The following BRIP1 variants were observed in gnomAD, a reference collection of about 807,000 sequenced individuals.
The protein encoded by BRIP1 is Fanconi anemia group J protein.
In BRIP1, 88 loss-of-function variants were observed where a neutral mutation model predicts 119.7. That is an observed-to-expected ratio of 0.74 (90% confidence interval 0.62 to 0.88). The LOEUF (loss-of-function observed/expected upper bound fraction) is 0.88, where lower values mean the gene tolerates loss of function less well. Ranked by LOEUF, BRIP1 falls within the 40% of genes least tolerant of loss-of-function variation. The pLI is 0.00. For missense variants in BRIP1, 1,259 were observed against 1,455.4 expected, an observed-to-expected ratio of 0.87 and a Z score of 2.20; for synonymous variants, 443 against 496.5, an observed-to-expected ratio of 0.89 and a Z score of 1.43.
chr17:61,833,343 A>G (rs1420759477), intron 6 of BRIP1, among the ~76,000 whole-genome samples: 1 of 152,206 alleles, frequency 6.6e-6, no homozygotes, highest in Non-Finnish European at 1.5e-5. Flanking sequence ...TCCACCATAG[A>G]GAATACTATG....
At chr17:61,782,781 G>T (rs542727557) in intron 11 of BRIP1, among the ~76,000 whole-genome samples, 1 of 152,118 alleles carries the variant, frequency 6.6e-6, no homozygotes, top group Non-Finnish European at 1.5e-5. Context: ...CTAGTCATTA[G>T]GAAATACAAA....
Position 61,851,593 on chromosome 17 carries a change from G to A in BRIP1, c.380-2337C>T, listed in dbSNP as rs993869317. ...TCTGGATACATGTGGGACCAAATTA[G>A]GGTTCTCTATACTTTTATATGAGTC... On this transcript the variant is annotated intron_variant, in intron 4 of 19. Transcript: ENST00000259008. The surrounding 1 kb of genome is among the most constrained non-coding windows in gnomAD (Gnocchi z 4.6). Among the ~76,000 whole-genome samples the A allele has an allele frequency of 4.6e-5, 7 of 152,048 alleles. No homozygotes were observed. The highest frequency in any genetic ancestry group is 1.7e-4 in the African/African-American group (7 of 41,390).
chr17:61,780,462 T>G lies in BRIP1; in HGVS notation c.1795-61A>C. 1 of 1,432,432 alleles carries G rather than the reference T, an allele frequency of 7.0e-7. No homozygotes were observed. Among genetic ancestry groups the G allele is most frequent in the Non-Finnish European group, 9.8e-7 (1 of 1,018,434 alleles). 88.7% of individuals were successfully genotyped at this position (1,432,432 alleles called of 1,614,324 possible). ...TTTAGAAGAGGCTGGGCAAAGTGGCTCACACCTGTAATCCCAGCACTTTGG... is the reference window on the plus strand; with the variant it reads ...TTTAGAAGAGGCTGGGCAAAGTGGCGCACACCTGTAATCCCAGCACTTTGG... On this transcript the variant is annotated intron_variant, in intron 12 of 19. Coordinates refer to ENST00000259008, the MANE Select transcript of BRIP1 (RefSeq NM_032043.3). The surrounding 1 kb of genome is among the most constrained non-coding windows in gnomAD (Gnocchi z 5.4).
Position 61,701,058 on chromosome 17 carries a change from TCA to T in BRIP1, c.2493-7548_2493-7547del, listed in dbSNP as rs560601178. ...TATTTAGTGAGGTGAGACATCATTC[TCA>T]CAGTTTTTGACACAGTTTGCTTAGT... On this transcript the variant is annotated intron_variant, in intron 17 of 19. Transcript: ENST00000259008. The surrounding 1 kb of genome is among the most constrained non-coding windows in gnomAD (Gnocchi z 5.1). 1.5e-3 allele frequency among the ~76,000 whole-genome samples: 231 copies of T among 152,308 alleles called. No individual in the cohort carries two copies. The highest frequency in any genetic ancestry group is 2.7e-3 in the Non-Finnish European group (184 of 68,020).
rs762519215 is a variant in BRIP1, at chr17:61,708,430, C to T, written c.2492+7521G>A. 1.3e-5 allele frequency among the ~76,000 whole-genome samples: 2 copies of T among 152,098 alleles called. No individual in the cohort carries two copies. Among genetic ancestry groups the T allele is most frequent in the African/African-American group, 2.4e-5 (1 of 41,412 alleles). On this transcript the variant is annotated intron_variant, in intron 17 of 19. Coordinates refer to ENST00000259008, the MANE Select transcript of BRIP1 (RefSeq NM_032043.3). The surrounding 1 kb of genome is among the most constrained non-coding windows in gnomAD (Gnocchi z 4.4). ...TATCAGATAGAAAAAACATAGTATA[C>T]GTAGAGTTTGGTACTATCCATGGTT...
chr17:61,743,868 G>A lies in BRIP1; in HGVS notation c.2257+564C>T, dbSNP rs1011336956. Among the ~76,000 whole-genome samples, 7 of 151,880 alleles carry A rather than the reference G, an allele frequency of 4.6e-5. No homozygotes were observed. Among genetic ancestry groups the A allele is most frequent in the African/African-American group, 1.7e-4 (7 of 41,336 alleles). The stretch of plus-strand genomic sequence containing the variant: ...CACCCTGCTAATGTTTGTACTTTTT[G>A]TAGAGACAGGATTTCACCATGTTGC... On this transcript the variant is annotated intron_variant, in intron 15 of 19. Transcript: ENST00000259008. The surrounding 1 kb of genome is among the most constrained non-coding windows in gnomAD (Gnocchi z 4.3).
In BRIP1 at chr17:61,768,091, G is replaced by A. The variant is rs1603316731; in HGVS notation, c.2097+8310C>T. Among the ~76,000 whole-genome samples, 4 of 152,126 alleles carry A rather than the reference G, an allele frequency of 2.6e-5. No homozygotes were observed. In the South Asian group the frequency reaches 8.3e-4, roughly 31 times the overall value. ...CTTATTTTATACCACAACCCAAACT[G>A]AAATCTTCTTGAAGAGACAGTAACT... On this transcript the variant is annotated intron_variant, in intron 14 of 19. Transcript: ENST00000259008. The surrounding 1 kb of genome is among the most constrained non-coding windows in gnomAD (Gnocchi z 5.0).
At chr17:61,727,572 G>A (rs1440815728) in intron 16 of BRIP1, among the ~76,000 whole-genome samples, 1 of 151,978 alleles carries the variant, frequency 6.6e-6, no homozygotes, top group Non-Finnish European at 1.5e-5. Context: ...TTTAGGACCA[G>A]CCAGGGCAAC....
chr17:61,847,871 A>T (rs886936352), intron 5 of BRIP1, among the ~76,000 whole-genome samples: 1 of 152,240 alleles, frequency 6.6e-6, no homozygotes, highest in Non-Finnish European at 1.5e-5. Context: ...ATGAAATGAG[A>T]ACCAGTGAAG....
At chr17:61,777,053 TA>T (rs1388625197) in intron 13 of BRIP1, among the ~76,000 whole-genome samples, 1 of 152,198 alleles carries the variant, frequency 6.6e-6, no homozygotes, top group Non-Finnish European at 1.5e-5. Flanking sequence ...CACCACATCT[TA>T]CAGTTATTTG....
chr17:61,807,619 TCA>T lies in BRIP1; in HGVS notation c.918+846_918+847del, dbSNP rs1474449252. ...GAAATGAAACTCTGGGGGCTATAGC[TCA>T]CAGTTTTTTGTGTAGAACCAACTCT... is the stretch of plus-strand genomic sequence containing the variant. On this transcript the variant is annotated intron_variant, in intron 7 of 19. Transcript: ENST00000259008. The surrounding 1 kb of genome is among the most constrained non-coding windows in gnomAD (Gnocchi z 4.5). Among the ~76,000 whole-genome samples, 2 of 152,116 alleles carry T rather than the reference TCA, an allele frequency of 1.3e-5. No individual in the cohort carries two copies. Among genetic ancestry groups the T allele is most frequent in the African/African-American group, 4.8e-5 (2 of 41,426 alleles).
rs1427888424 is a variant in BRIP1 at position 61,848,836 on chromosome 17, G to A, written c.507+293C>T. On this transcript the variant is annotated intron_variant, in intron 5 of 19. Transcript: ENST00000259008. This position sits in a 1 kb window ranked among gnomAD's most constrained non-coding sequence, Gnocchi z 4.3. ...ATAAAAACAATGGAGGAGTTAAAAA[G>A]TACAAAGTAGTATATCACTAAGATA... Among the ~76,000 whole-genome samples the A allele has an allele frequency of 6.6e-6, 1 of 152,086 alleles. No homozygotes were observed. The highest frequency in any genetic ancestry group is 1.5e-5 in the Non-Finnish European group (1 of 67,988).
Position 61,683,350 on chromosome 17 carries a change from C to A in BRIP1, c.3696G>T (p.Lys1232Asn), listed in dbSNP as rs2061297235. The change falls in exon 20 of 20, where the codon AAG (lysine) becomes AAT (asparagine). Residue 1232 changes from lysine to asparagine, a missense_variant. Physicochemically the swap from Lys to Asn is moderately conservative, Grantham distance 94. Transcript: ENST00000259008. This position sits in a 1 kb window ranked among gnomAD's most constrained non-coding sequence, Gnocchi z 4.7. The stretch of plus-strand genomic sequence containing the variant: ...TTTTGGAAGGAGATGGTTTAAAGTT[C>A]TTTATTTCTATTTCATGAGTTTTTC... The part of the protein sequence containing the change: ...ELGKTHEIEI[K>N]NFKPSPSKNK... The A allele has an allele frequency of 1.2e-6, 2 of 1,611,356 alleles. No homozygotes were observed. The highest frequency in any genetic ancestry group is 1.7e-6 in the Non-Finnish European group (2 of 1,178,408).
rs1273909942 is a variant in BRIP1 at position 61,832,015 on chromosome 17, T to C, written c.627+15086A>G. The stretch of plus-strand genomic sequence containing the variant: ...TTGTGTATATTCTCTAGCTGTCTGC[T>C]GAAAGGGCCTGGAGCAGCAACTCCA... On this transcript the variant is annotated intron_variant, in intron 6 of 19. Coordinates refer to ENST00000259008, the MANE Select transcript of BRIP1 (RefSeq NM_032043.3). The surrounding 1 kb of genome is among the most constrained non-coding windows in gnomAD (Gnocchi z 5.5). Among the ~76,000 whole-genome samples, 1 of 152,180 alleles carries C rather than the reference T, an allele frequency of 6.6e-6. No homozygotes were observed. The highest frequency in any genetic ancestry group is 2.4e-5 in the African/African-American group (1 of 41,456).
At position 61,684,681 on chromosome 17, in the gene BRIP1, T is replaced by C. The variant is rs1284960225; in HGVS notation, c.2906-541A>G. 6.6e-6 allele frequency: 1 copy of C among 152,584 alleles called. No individual in the cohort carries two copies. Among genetic ancestry groups the C allele is most frequent in the Non-Finnish European group, 1.5e-5 (1 of 68,334 alleles). 9.5% of individuals were successfully genotyped at this position (152,584 alleles called of 1,614,324 possible). A position where few individuals can be genotyped will look rare whatever the true frequency, so the allele number is the denominator to read the frequency against. On this transcript the variant is annotated intron_variant, in intron 19 of 19. Transcript: ENST00000259008. The surrounding 1 kb of genome is among the most constrained non-coding windows in gnomAD (Gnocchi z 4.5). ...TATAGTGAATTTTGTATTACTATTT[T>C]GTAGTATTTATATACAAAATTGTAT...
chr17:61,771,307 G>A (rs2077444586), intron 14 of BRIP1, among the ~76,000 whole-genome samples: 1 of 152,028 alleles, frequency 6.6e-6, no homozygotes, highest in Non-Finnish European at 1.5e-5. Flanking sequence ...TTCTTTTTGG[G>A]GTCAGAAAAA....
intron 5 of BRIP1, 43 bp from the exon 6 acceptor site, chr17:61,847,263 G>A: frequency 6.2e-7 from 1 of 1,608,616 alleles, no homozygotes; most frequent in Non-Finnish European, 8.5e-7. Flanking sequence ...TGAACTAGAA[G>A]TTTAACTGGC....
At position 61,770,316 on chromosome 17, in the gene BRIP1, C is replaced by T. The variant is rs574922196; in HGVS notation, c.2097+6085G>A. ...CCAGTATAACAGCAGAGGATTACAA[C>T]AGAGAGAGACAGCTGCAAGGCTCAG... On this transcript the variant is annotated intron_variant, in intron 14 of 19. Transcript: ENST00000259008. The surrounding 1 kb of genome is among the most constrained non-coding windows in gnomAD (Gnocchi z 4.7). Among the ~76,000 whole-genome samples the T allele has an allele frequency of 6.6e-6, 1 of 152,238 alleles. No individual in the cohort carries two copies. The highest frequency in any genetic ancestry group is 1.9e-4 in the East Asian group (1 of 5,182).
In BRIP1 at chr17:61,799,303, TA is replaced by T. The variant is rs2145310777; in HGVS notation, c.1141-5del. ...GTTCTTTCAGATTTAAATCCATCTA[TA>T]AGATAAAAGAATTTTCTTGTAAAAC... On this transcript the variant is annotated splice_region_variant and splice_polypyrimidine_tract_variant and intron_variant, in intron 8 of 19. Coordinates refer to ENST00000259008, the MANE Select transcript of BRIP1 (RefSeq NM_032043.3). This position sits in a 1 kb window ranked among gnomAD's most constrained non-coding sequence, Gnocchi z 5.1. The T allele has an allele frequency of 6.2e-7, 1 of 1,605,808 alleles. No homozygotes were observed. Among genetic ancestry groups the T allele is most frequent in the Non-Finnish European group, 8.5e-7 (1 of 1,173,174 alleles).
Sources: allele counts gnomAD v4.1 joint callset (sites outside exome capture counted in the v4.1 genomes callset), GRCh38; gene constraint gnomAD v4.1.1; non-coding constraint Gnocchi (gnomAD v3.1); transcripts MANE v1.5; gene names NCBI Gene and HGNC (gene_info 2026-07-23, HGNC 2026-07-21).